LPP: variants seen among roughly 807,000 people sequenced by gnomAD.
The protein encoded by LPP is LIM domain containing preferred translocation partner in lipoma, also known as lipoma-preferred partner.
Under a neutral mutation model 60.4 loss-of-function variants are expected in LPP, and 38 were observed. The observed-to-expected ratio is 0.63, with a 90% CI of 0.49 to 0.83. The LOEUF (loss-of-function observed/expected upper bound fraction) is 0.83. Among genes scored for constraint, LPP ranks in the 40% least tolerant of loss-of-function variants. LPP has a pLI of 0.00. For synonymous variants in LPP, 328 were observed against 290.8 expected, an observed-to-expected ratio of 1.13 and a Z score of -1.30; for missense variants, 902 against 783.6, an observed-to-expected ratio of 1.15 and a Z score of -1.80.
chr3:188,629,862 T>C (rs1258677615), intron 7 of LPP, among the ~76,000 whole-genome samples: 2 of 152,134 alleles, frequency 1.3e-5, no homozygotes, highest in Non-Finnish European at 2.9e-5. Flanking sequence ...TAAAACTTCA[T>C]GGTACTGGGA....
chr3:188,745,869 A>G (rs1726000168), intron 8 of LPP, among the ~76,000 whole-genome samples: 1 of 152,020 alleles, frequency 6.6e-6, no homozygotes, highest in South Asian at 2.1e-4. Context: ...CCACGCTCTA[A>G]TTTCCAAAAG....
At chr3:188,493,972 G>T (rs1209121038) in intron 5 of LPP, among the ~76,000 whole-genome samples, 2 of 152,146 alleles carry the variant, frequency 1.3e-5, no homozygotes, top group Non-Finnish European at 2.9e-5. Flanking sequence ...CTATAAAACT[G>T]AATTTGGGGA....
intron 1 of LPP, among the ~76,000 whole-genome samples, chr3:188,170,329 CTTTTTT>C (rs34760455): frequency 1.0e-5 from 1 of 96,444 alleles, no homozygotes; most frequent in South Asian, 3.8e-4. Flanking sequence ...CTTTTCTTTT[CTTTTTT>C]TTTTTTTTTT....
chr3:188,839,890 A>C (rs1426955089), intron 9 of LPP, among the ~76,000 whole-genome samples: 1 of 152,126 alleles, frequency 6.6e-6, no homozygotes, highest in Non-Finnish European at 1.5e-5. Context: ...AATAAAATAA[A>C]ATTAAATTAA....
intron 5 of LPP, among the ~76,000 whole-genome samples, chr3:188,489,278 T>C (rs567674994): frequency 1.3e-5 from 2 of 152,312 alleles, no homozygotes; most frequent in South Asian, 2.1e-4. Context: ...TAAATTATGC[T>C]TTGGTCATCA....
At chr3:188,571,034 G>T (rs1833419413) in intron 6 of LPP, among the ~76,000 whole-genome samples, 1 of 152,044 alleles carries the variant, frequency 6.6e-6, no homozygotes, top group Admixed American at 6.6e-5. Context: ...TACCTCCCAA[G>T]TAATTGTTCA....
intron 6 of LPP, among the ~76,000 whole-genome samples, chr3:188,557,429 C>T (rs1203057583): frequency 6.6e-6 from 1 of 152,052 alleles, no homozygotes; most frequent in Non-Finnish European, 1.5e-5. Context: ...TGTCCATGGA[C>T]AGAATGAGAT....
chr3:188,804,262 T>TATATATATATAA (rs1748336131), intron 9 of LPP, among the ~76,000 whole-genome samples: 1 of 116,362 alleles, frequency 8.6e-6, no homozygotes, highest in Non-Finnish European at 1.7e-5. Context: ...TATATATATA[T>TATATATATATAA]ATATATATAT....
rs146186526 is a variant in LPP at position 188,523,653 on chromosome 3, CTT to C, written c.307-1009_307-1008del. On this transcript the variant is annotated intron_variant, in intron 5 of 11. Coordinates refer to ENST00000617246, the MANE Select transcript of LPP (RefSeq NM_001375462.1). The stretch of plus-strand genomic sequence containing the variant: ...GGTTGGTTAATGCTTTTTCTAAACT[CTT>C]TTGCAGACACTAGATACTCTCTTGA... 8.7e-3 allele frequency among the ~76,000 whole-genome samples: 1,324 copies of C among 152,272 alleles called. 28 individuals are homozygous for C. Among genetic ancestry groups the C allele is most frequent in the African/African-American group, 0.031 (1,269 of 41,554 alleles).
chr3:188,457,323 A>T (rs1797945452), intron 4 of LPP, among the ~76,000 whole-genome samples: 1 of 152,168 alleles, frequency 6.6e-6, no homozygotes, highest in African/African-American at 2.4e-5. Context: ...CTTGATGTAC[A>T]GCTAACTAAT....
chr3:188,499,696 G>T (rs1475543838), intron 5 of LPP, among the ~76,000 whole-genome samples: 6 of 152,180 alleles, frequency 3.9e-5, no homozygotes, highest in African/African-American at 1.4e-4. Flanking sequence ...TATCATATTG[G>T]TTGATATTGA....
intron 2 of LPP, among the ~76,000 whole-genome samples, chr3:188,259,560 A>G (rs1732848451): frequency 6.6e-6 from 1 of 152,170 alleles, no homozygotes; most frequent in South Asian, 2.1e-4. Context: ...AGGTATTCTT[A>G]TTTATGCATG....
upstream of LPP, chr3:188,154,141 G>T (rs1174995499): frequency 5.1e-6 from 1 of 195,512 alleles, no homozygotes; most frequent in Non-Finnish European, 1.0e-5. Flanking sequence ...GACAATGGGA[G>T]GGGGAGTGCC....
At position 188,621,307 on chromosome 3, in the gene LPP, A is replaced by C. The variant is rs114163518; in HGVS notation, c.1113+11463A>C. 7.4e-3 allele frequency among the ~76,000 whole-genome samples: 1,123 copies of C among 152,080 alleles called. 12 individuals carry two copies. Among genetic ancestry groups the C allele is most frequent in the African/African-American group, 0.025 (1,052 of 41,488 alleles). ...TAGTATCCAATAGGTAATTTTTCAG[A>C]CTGTGCCCTCTCCCTTCCTCCCCGT... On this transcript the variant is annotated intron_variant, in intron 7 of 11. Coordinates refer to ENST00000617246, the MANE Select transcript of LPP (RefSeq NM_001375462.1).
chr3:188,638,009 T>C (rs1408332718), intron 7 of LPP, among the ~76,000 whole-genome samples: 2 of 150,626 alleles, frequency 1.3e-5, no homozygotes, highest in Non-Finnish European at 3.0e-5. Flanking sequence ...CCCTAACTCA[T>C]TTTATGAGGC....
At chr3:188,239,313 T>C (rs1723013762) in intron 2 of LPP, among the ~76,000 whole-genome samples, 2 of 152,208 alleles carry the variant, frequency 1.3e-5, no homozygotes, top group African/African-American at 4.8e-5. Context: ...TGCGGATGAA[T>C]TTAATACAGT....
chr3:188,331,215 G>A (rs572085867), intron 2 of LPP, among the ~76,000 whole-genome samples: 3 of 152,078 alleles, frequency 2.0e-5, no homozygotes, highest in Admixed American at 1.3e-4. Context: ...TTTAGAGAGC[G>A]TTCTTCACAT....
intron 9 of LPP, among the ~76,000 whole-genome samples, chr3:188,783,281 A>G (rs1740413698): frequency 6.6e-6 from 1 of 152,150 alleles, no homozygotes; most frequent in Admixed American, 6.5e-5. Context: ...ACTATTCACA[A>G]TAGCAAAGAC....
At chr3:188,168,585 A>G (rs1348819689) in intron 1 of LPP, among the ~76,000 whole-genome samples, 1 of 152,224 alleles carries the variant, frequency 6.6e-6, no homozygotes, top group Non-Finnish European at 1.5e-5. Context: ...AGTAAATCCC[A>G]AGCCAAGCAT....
Sources: allele counts gnomAD v4.1 joint callset (sites outside exome capture counted in the v4.1 genomes callset), GRCh38; gene constraint gnomAD v4.1.1; transcripts MANE v1.5; gene names NCBI Gene and HGNC (gene_info 2026-07-23, HGNC 2026-07-21).